Variants in MAST2 observed in about 807,000 individuals in gnomAD.
MAST2 encodes the protein microtubule associated serine/threonine kinase 2, also known as microtubule-associated serine/threonine-protein kinase 2.
MAST2 carries 70 observed loss-of-function variants against 147.4 expected under a neutral mutation model. The observed-to-expected ratio is 0.47, with a 90% CI of 0.39 to 0.58. The LOEUF (loss-of-function observed/expected upper bound fraction) is 0.58. Ranked by LOEUF, MAST2 falls within the 20% of genes least tolerant of loss-of-function variation. MAST2 has a pLI of 0.00. For synonymous variants in MAST2, 869 were observed against 896.8 expected (o/e 0.97, Z 0.55); for missense variants, 2,080 against 2,302.3 (o/e 0.90, Z 1.98).
At chr1:45,836,324 G>A (rs1645100089) in intron 3 of MAST2, among the ~76,000 whole-genome samples, 1 of 152,036 alleles carries the variant, frequency 6.6e-6, no homozygotes, top group Non-Finnish European at 1.5e-5. Flanking sequence ...GCTTTGATTA[G>A]TATTATATTT....
chr1:45,831,780 GTT>G (rs57991711), intron 3 of MAST2, among the ~76,000 whole-genome samples: 14 of 55,770 alleles, frequency 2.5e-4, no homozygotes, highest in African/African-American at 2.1e-4. Context: ...AAGTTTAATA[GTT>G]TTTTTTTTTT....
At chr1:45,997,473 A>G (rs748893448) in intron 5 of MAST2, among the ~76,000 whole-genome samples, 1 of 152,210 alleles carries the variant, frequency 6.6e-6, no homozygotes, top group Non-Finnish European at 1.5e-5. Flanking sequence ...GGAGGGCAGG[A>G]AATAGTCAAG....
At chr1:45,856,156 C>T (rs192080752) in intron 3 of MAST2, among the ~76,000 whole-genome samples, 4 of 152,278 alleles carry the variant, frequency 2.6e-5, no homozygotes, top group Non-Finnish European at 4.4e-5. Context: ...TGGTACACAG[C>T]AAACTTGTAA....
At chr1:45,921,118 C>T (rs1366224700) in intron 4 of MAST2, among the ~76,000 whole-genome samples, 1 of 152,172 alleles carries the variant, frequency 6.6e-6, no homozygotes, top group South Asian at 2.1e-4. Context: ...GCCTCAGCCT[C>T]CTGAGTAGCT....
intron 3 of MAST2, among the ~76,000 whole-genome samples, chr1:45,853,832 A>T (rs1645702029): frequency 6.6e-6 from 1 of 150,576 alleles, no homozygotes; most frequent in South Asian, 2.1e-4. Flanking sequence ...GGTTCTGAAG[A>T]TTTTCTCCTC....
chr1:46,034,956 C>T lies in MAST2; in HGVS notation c.4287C>T (p.Ser1429=). ...EKKLATSRKH[S]LDLPHSELKK... ...AGCTAGCCACTTCTCGCAAGCACAGCCTTGACCTGCCCCACTCTGAACTAA... is the reference window on the plus strand; with the variant it reads ...AGCTAGCCACTTCTCGCAAGCACAGTCTTGACCTGCCCCACTCTGAACTAA... Residue 1429 remains serine, a synonymous_variant, in exon 29 of 29, where the codon AGC becomes AGT. Coordinates refer to ENST00000361297, the MANE Select transcript of MAST2 (RefSeq NM_015112.3). 6.2e-7 allele frequency: 1 copy of T among 1,614,144 alleles called. No individual in the cohort carries two copies. The highest frequency in any genetic ancestry group is 1.1e-5 in the South Asian group (1 of 91,082).
rs1646631023 is a variant in MAST2 at position 46,030,848 on chromosome 1, G to A, written c.2708+87G>A. ...TGGGAGAGATTCCGATGCCAGGGAG[G>A]AGTGCAGGTGGCAGGGAGGGGGCAT... On this transcript the variant is annotated intron_variant, in intron 22 of 28. Transcript: ENST00000361297. The A allele has an allele frequency of 4.1e-6, 6 of 1,479,954 alleles. No individual in the cohort carries two copies. In the South Asian group the frequency reaches 4.2e-5, roughly 10 times the overall value. 91.7% of individuals were successfully genotyped at this position (1,479,954 alleles called of 1,614,324 possible).
chr1:45,848,563 T>C (rs1335564596), intron 3 of MAST2, among the ~76,000 whole-genome samples: 1 of 152,180 alleles, frequency 6.6e-6, no homozygotes, highest in African/African-American at 2.4e-5. Flanking sequence ...CTGGGAAGCT[T>C]GTGCTTGGTT....
intron 3 of MAST2, among the ~76,000 whole-genome samples, chr1:45,880,800 G>A (rs757202100): frequency 6.6e-6 from 1 of 151,762 alleles, no homozygotes; most frequent in Non-Finnish European, 1.5e-5. Flanking sequence ...GGCCAACATG[G>A]TGAACCCCTG....
intron 1 of MAST2, among the ~76,000 whole-genome samples, chr1:45,810,337 T>C (rs773727939): frequency 3.0e-4 from 45 of 152,162 alleles, no homozygotes; most frequent in Non-Finnish European, 4.9e-4. Context: ...TCCTCTGCAT[T>C]ACAGGGTTAG....
intron 3 of MAST2, among the ~76,000 whole-genome samples, chr1:45,867,390 A>T (rs1213329817): frequency 6.6e-6 from 1 of 152,184 alleles, no homozygotes; most frequent in Admixed American, 6.5e-5. Context: ...GCCTACTTTG[A>T]TACCTCCAGG....
chr1:46,014,445 G>C (rs944825204), intron 10 of MAST2, among the ~76,000 whole-genome samples: 1 of 150,072 alleles, frequency 6.7e-6, no homozygotes, highest in Non-Finnish European at 1.5e-5. Flanking sequence ...TTGTTCTTGC[G>C]ATAGTTTACT....
chr1:46,030,949 A>G, intron 22 of MAST2, 58 bp from the exon 23 acceptor site: 1 of 1,575,472 alleles, frequency 6.3e-7, no homozygotes, highest in Non-Finnish European at 8.6e-7. Context: ...CCCTAAGGAG[A>G]CCTGGCAGGA....
intron 3 of MAST2, among the ~76,000 whole-genome samples, chr1:45,831,676 A>T (rs1456503678): frequency 2.0e-5 from 3 of 152,154 alleles, no homozygotes; most frequent in African/African-American, 7.2e-5. Context: ...TTTCAAAGCA[A>T]GTCACAGACT....
rs779400353 is a variant in MAST2 at position 46,022,101 on chromosome 1, G to A, written c.1423+19G>A. 9 of 1,613,208 alleles carry A rather than the reference G, an allele frequency of 5.6e-6. No homozygotes were observed. In the East Asian group the frequency reaches 1.3e-4, roughly 24 times the overall value. Reference sequence around the variant, plus strand: ...CTAGAAGGTGAGCATGCTGCCTAGTGGCTGCAAAGAGGCCCCACTGCTGCT... The same window carrying A: ...CTAGAAGGTGAGCATGCTGCCTAGTAGCTGCAAAGAGGCCCCACTGCTGCT... On this transcript the variant is annotated intron_variant, in intron 12 of 28. Coordinates refer to ENST00000361297, the MANE Select transcript of MAST2 (RefSeq NM_015112.3).
At chr1:45,829,623 C>T in intron 3 of MAST2, 42 bp downstream of exon 3, 3 of 1,565,610 alleles carry the variant, frequency 1.9e-6, no homozygotes, top group South Asian at 1.2e-5. Flanking sequence ...ATGAAAAATC[C>T]ATAATTGTCA....
chr1:45,862,316 G>A (rs998525830), intron 3 of MAST2, among the ~76,000 whole-genome samples: 7 of 152,070 alleles, frequency 4.6e-5, no homozygotes, highest in African/African-American at 1.7e-4. Context: ...GATTTGAGGT[G>A]GGGAAAGATG....
chr1:45,937,621 G>C (rs187552994), intron 4 of MAST2, among the ~76,000 whole-genome samples: 1 of 151,548 alleles, frequency 6.6e-6, no homozygotes, highest in South Asian at 2.1e-4. Context: ...GTGTAGTGTC[G>C]CGTGCCTGTA....
intron 5 of MAST2, among the ~76,000 whole-genome samples, chr1:45,986,716 CAAAAAAAAAA>C (rs201589013): frequency 1.7e-5 from 2 of 120,224 alleles, no homozygotes; most frequent in Non-Finnish European, 3.5e-5. Flanking sequence ...GACTCCGTCT[CAAAAAAAAAA>C]AAAAAAAAAA....
Sources: gnomAD v4.1 joint callset for allele counts (sites outside exome capture counted in the v4.1 genomes callset) on GRCh38, gnomAD v4.1.1 for gene constraint, MANE v1.5 for transcripts, NCBI Gene and HGNC (gene_info 2026-07-23, HGNC 2026-07-21) for gene names.